The following NRG1 variants were observed in gnomAD, a reference collection of about 807,000 sequenced individuals.
The protein encoded by NRG1 is pro-neuregulin-1, membrane-bound isoform.
A neutral mutation model predicts 63.8 loss-of-function variants in NRG1; 18 were observed. The ratio of observed to expected loss-of-function variants is 0.28; its 90% CI spans 0.19 to 0.42. The LOEUF (loss-of-function observed/expected upper bound fraction) is 0.42. NRG1 is among the 10% of genes least tolerant of loss of function. The probability of loss-of-function intolerance (pLI) is 1.00; values close to 1 mark genes in which losing one functional copy is unlikely to be tolerated. For synonymous variants in NRG1, 302 were observed against 301.3 expected (o/e 1.00, Z -0.02); for missense variants, 762 against 814.7 (o/e 0.94, Z 0.79).
chr8:32,690,663 T>G (rs1051434964), intron 5 of NRG1, among the ~76,000 whole-genome samples: 1 of 151,964 alleles, frequency 6.6e-6, no homozygotes, highest in Non-Finnish European at 1.5e-5. Flanking sequence ...GTAGATCTCC[T>G]GGTGAAGATA....
intron 1 of NRG1, among the ~76,000 whole-genome samples, chr8:31,742,844 G>A (rs1448294303): frequency 6.6e-6 from 1 of 152,066 alleles, no homozygotes; most frequent in East Asian, 1.9e-4. Context: ...ATTTTCATGA[G>A]CAAGGCCTGC....
At chr8:31,859,097 C>T (rs1275204985) in intron 1 of NRG1, among the ~76,000 whole-genome samples, 3 of 152,020 alleles carry the variant, frequency 2.0e-5, no homozygotes, top group African/African-American at 7.3e-5. Context: ...ATGTGTTTGA[C>T]CCTAGTTATA....
At chr8:32,144,967 G>A (rs548586488) in intron 1 of NRG1, among the ~76,000 whole-genome samples, 1 of 152,198 alleles carries the variant, frequency 6.6e-6, no homozygotes, top group South Asian at 2.1e-4. Flanking sequence ...TTTGTTATTC[G>A]ATCTTTTCTT....
At chr8:31,922,845 C>T (rs779223790) in intron 1 of NRG1, among the ~76,000 whole-genome samples, 26 of 151,962 alleles carry the variant, frequency 1.7e-4, no homozygotes, top group Non-Finnish European at 1.6e-4. Flanking sequence ...ATGATTTCAC[C>T]TTAAAAGAGC....
intron 1 of NRG1, among the ~76,000 whole-genome samples, chr8:31,688,954 A>T (rs1382005419): frequency 1.3e-5 from 2 of 152,156 alleles, no homozygotes; most frequent in African/African-American, 4.8e-5. Context: ...GGTTCAGGGG[A>T]CAATCTGTTT....
At chr8:32,544,077 C>G (rs1008381880), upstream of NRG1, among the ~76,000 whole-genome samples, 1 of 152,080 alleles carries the variant, frequency 6.6e-6, no homozygotes, top group African/African-American at 2.4e-5. Context: ...GTTAATGTCT[C>G]CTATTTATAG....
chr8:31,926,319 T>C (rs943956001), intron 1 of NRG1, among the ~76,000 whole-genome samples: 1 of 152,072 alleles, frequency 6.6e-6, no homozygotes, highest in African/African-American at 2.4e-5. Flanking sequence ...GCTACTGTTT[T>C]CTGTTCAGCC....
intron 1 of NRG1, among the ~76,000 whole-genome samples, chr8:31,850,203 A>G (rs1827077813): frequency 6.6e-6 from 1 of 152,128 alleles, no homozygotes; most frequent in South Asian, 2.1e-4. Context: ...GTCAGATTTT[A>G]TAAGTGTAGG....
chr8:32,738,614 GT>G (rs1825679576), intron 6 of NRG1, among the ~76,000 whole-genome samples: 1 of 152,182 alleles, frequency 6.6e-6, no homozygotes. Context: ...TGGATTGAAT[GT>G]TTAACATACA....
chr8:31,640,083 GC>G lies in NRG1; in HGVS notation c.37+654del. 1 of 1,137,722 alleles carries G rather than the reference GC, an allele frequency of 8.8e-7. No individual in the cohort carries two copies. Among genetic ancestry groups the G allele is most frequent in the Non-Finnish European group, 1.1e-6 (1 of 929,012 alleles). The allele number at this position is 1,137,722 out of a possible 1,614,324, so 70.5% of individuals were successfully genotyped here. A position where few individuals can be genotyped will look rare whatever the true frequency, so the allele number is the denominator to read the frequency against. On this transcript the variant is annotated intron_variant, in intron 1 of 10. Coordinates refer to the NRG1 transcript ENST00000519301. The surrounding 1 kb of genome is among the most constrained non-coding windows in gnomAD (Gnocchi z 6.3). ...GCTCGTCGCCGCCGCTGCCGCTGCTGCCACTACTGCTGCTGCTGGGGACCGC... is the reference window on the plus strand; with the variant it reads ...GCTCGTCGCCGCCGCTGCCGCTGCTGCACTACTGCTGCTGCTGGGGACCGC...
intron 1 of NRG1, among the ~76,000 whole-genome samples, chr8:32,307,586 GGTTTGTGTGTGT>G (rs1292056072): frequency 1.5e-3 from 168 of 108,980 alleles, no homozygotes; most frequent in South Asian, 0.012. Context: ...GTCACCCAGG[GGTTTGTGTGTGT>G]GTGTGTGTGT....
intron 1 of NRG1, among the ~76,000 whole-genome samples, chr8:31,891,545 T>G (rs989224125): frequency 6.6e-6 from 1 of 152,278 alleles, no homozygotes; most frequent in East Asian, 1.9e-4. Flanking sequence ...CTGCTGGGAA[T>G]GTAAAATAGT....
At chr8:32,295,780 T>C (rs1854771013) in intron 1 of NRG1, among the ~76,000 whole-genome samples, 1 of 151,930 alleles carries the variant, frequency 6.6e-6, no homozygotes, top group Admixed American at 6.6e-5. Context: ...GAACCTCGTC[T>C]TTACTAAAGA....
chr8:32,255,304 T>C (rs1849570355), intron 1 of NRG1, among the ~76,000 whole-genome samples: 1 of 152,218 alleles, frequency 6.6e-6, no homozygotes, highest in Non-Finnish European at 1.5e-5. Context: ...CCTTACAATT[T>C]GGTATGTTTT....
At chr8:32,503,577 T>C (rs1162409789) in intron 1 of NRG1, among the ~76,000 whole-genome samples, 1 of 152,122 alleles carries the variant, frequency 6.6e-6, no homozygotes, top group Non-Finnish European at 1.5e-5. Flanking sequence ...CCTCAGTAGT[T>C]ATAATGTTAG....
At chr8:32,418,763 G>T (rs183185396) in intron 1 of NRG1, among the ~76,000 whole-genome samples, 1 of 152,112 alleles carries the variant, frequency 6.6e-6, no homozygotes, top group African/African-American at 2.4e-5. Context: ...TTAAGAAACA[G>T]TTTTTCGTAT....
At chr8:32,064,072 A>G (rs1289716306) in intron 1 of NRG1, among the ~76,000 whole-genome samples, 2 of 152,060 alleles carry the variant, frequency 1.3e-5, no homozygotes, top group Non-Finnish European at 2.9e-5. Flanking sequence ...ACAAAATTTC[A>G]AACAACCCAA....
At chr8:32,547,590 AACACACACACACACAC>A (rs33943729), upstream of NRG1, among the ~76,000 whole-genome samples, 700 of 148,486 alleles carry the variant, frequency 4.7e-3, 2 homozygotes, top group East Asian at 9.2e-3. Flanking sequence ...GCACTTACTA[AACACACACACACACAC>A]ACACACACAC....
intron 1 of NRG1, among the ~76,000 whole-genome samples, chr8:31,896,112 C>A (rs915996842): frequency 2.6e-5 from 4 of 152,094 alleles, no homozygotes; most frequent in Admixed American, 6.6e-5. Context: ...TCACTAGTCC[C>A]CCTCTCTCAA....
Sources: gnomAD v4.1 joint callset for allele counts (sites outside exome capture counted in the v4.1 genomes callset) on GRCh38, gnomAD v4.1.1 for gene constraint, Gnocchi (gnomAD v3.1) non-coding constraint, MANE v1.5 for transcripts, NCBI Gene and HGNC (gene_info 2026-07-23, HGNC 2026-07-21) for gene names.